Variants in AMMECR1 observed in about 807,000 individuals in gnomAD.
AMMECR1 encodes AMMECR nuclear protein 1.
In AMMECR1, 3 loss-of-function variants were observed where a neutral mutation model predicts 22.5. The observed-to-expected ratio is 0.13, with a 90% CI of 0.06 to 0.35. The LOEUF is 0.35. Among genes scored for constraint, AMMECR1 ranks in the 10% least tolerant of loss-of-function variants. AMMECR1 has a pLI of 1.00. For synonymous variants in AMMECR1, 130 were observed against 116.7 expected, an observed-to-expected ratio of 1.11 and a Z score of -0.74; for missense variants, 235 against 278.7, an observed-to-expected ratio of 0.84 and a Z score of 1.12.
chrX:110,220,609 A>G (rs891519962), intron 2 of AMMECR1, among the ~76,000 whole-genome samples: 1 of 111,568 alleles, frequency 9.0e-6, no homozygotes, highest in African/African-American at 3.3e-5. Context: ...AAACAAAACA[A>G]AACACTTACA....
intron 2 of AMMECR1, chrX:110,346,614 AG>A: frequency 1.9e-6 from 1 of 517,755 alleles, no homozygotes; most frequent in Non-Finnish European, 3.6e-6. Flanking sequence ...TACAGGGATA[AG>A]CTTTTGTACA....
intron 2 of AMMECR1, among the ~76,000 whole-genome samples, chrX:110,244,422 T>C (rs12116355): frequency 0.051 from 5,673 of 111,539 alleles, 375 homozygotes; most frequent in African/African-American, 0.18. Flanking sequence ...GTTTTCTGGA[T>C]GCATAATGAA....
In AMMECR1 at chrX:110,227,595, T is replaced by C. The variant is rs1443582870; in HGVS notation, c.585-10963A>G. 3.6e-5 allele frequency among the ~76,000 whole-genome samples: 4 copies of C among 112,058 alleles called. No individual in the cohort carries two copies. The East Asian group carries it at 8.4e-4, about 23-fold the overall frequency. ...ACCTTTTGTATGCGCTCCTCTTTTC[T>C]ACTCTAGTAAGGTAAGGAAGAAAGA... On this transcript the variant is annotated intron_variant, in intron 2 of 5. Transcript: ENST00000262844.
intron 2 of AMMECR1, among the ~76,000 whole-genome samples, chrX:110,238,670 A>C (rs1162548756): frequency 8.9e-6 from 1 of 112,511 alleles, no homozygotes; most frequent in Non-Finnish European, 1.9e-5. Flanking sequence ...AGAGCAGTGG[A>C]TCTCCCAGCA....
At chrX:110,254,100 C>T (rs1206466516) in intron 2 of AMMECR1, among the ~76,000 whole-genome samples, 1 of 111,150 alleles carries the variant, frequency 9.0e-6, no homozygotes, top group Admixed American at 9.6e-5. Flanking sequence ...AGTTAAATTA[C>T]TCTTTTCAAA....
intron 2 of AMMECR1, among the ~76,000 whole-genome samples, chrX:110,398,018 G>A (rs2068539993): frequency 8.9e-6 from 1 of 112,245 alleles, no homozygotes; most frequent in South Asian, 3.7e-4. Context: ...CCAGATTCTA[G>A]CCCAGTCCTC....
At chrX:110,439,565 G>T (rs1324567050) in intron 1 of AMMECR1, among the ~76,000 whole-genome samples, 1 of 111,800 alleles carries the variant, frequency 8.9e-6, no homozygotes, top group Non-Finnish European at 1.9e-5. Flanking sequence ...AAATGCCAAG[G>T]GTGCACTTCT....
chrX:110,439,498 G>C (rs2068864009), intron 1 of AMMECR1, among the ~76,000 whole-genome samples: 1 of 112,119 alleles, frequency 8.9e-6, no homozygotes, highest in South Asian at 3.8e-4. Context: ...ATAAAAGATG[G>C]AGAAGCCAGC....
upstream of AMMECR1, among the ~76,000 whole-genome samples, chrX:110,320,216 A>C (rs748769520): frequency 8.0e-5 from 9 of 112,384 alleles, no homozygotes; most frequent in Non-Finnish European, 1.3e-4. Flanking sequence ...AAGAGAAAGC[A>C]GATTGGTTTT....
chrX:110,225,614 T>C (rs774900004), intron 2 of AMMECR1, among the ~76,000 whole-genome samples: 2 of 112,442 alleles, frequency 1.8e-5, no homozygotes, highest in East Asian at 5.5e-4. Flanking sequence ...TGGGAATATC[T>C]GCATTATACT....
At chrX:110,366,927 C>T (rs1251126234) in intron 2 of AMMECR1, among the ~76,000 whole-genome samples, 4 of 111,391 alleles carry the variant, frequency 3.6e-5, no homozygotes, top group East Asian at 2.8e-4. Context: ...CTCAAACTTC[C>T]GACACTTGTT....
chrX:110,240,575 T>G (rs1309700209), intron 2 of AMMECR1, among the ~76,000 whole-genome samples: 1 of 109,139 alleles, frequency 9.2e-6, no homozygotes, highest in East Asian at 2.9e-4. Flanking sequence ...CCGAGATTCA[T>G]AAAGCAAGTC....
intron 2 of AMMECR1, among the ~76,000 whole-genome samples, chrX:110,330,446 T>C (rs1307434021): frequency 4.5e-5 from 5 of 112,009 alleles, no homozygotes; most frequent in Non-Finnish European, 9.4e-5. Context: ...CCTCAAACTG[T>C]TTGATACTGA....
At chrX:110,334,592 T>A (rs1337430446) in intron 2 of AMMECR1, among the ~76,000 whole-genome samples, 1 of 112,295 alleles carries the variant, frequency 8.9e-6, no homozygotes, top group Non-Finnish European at 1.9e-5. Context: ...TGTATTGAGA[T>A]ATGTTTTTAA....
At chrX:110,198,902 A>T (rs2067384027) in intron 5 of AMMECR1, among the ~76,000 whole-genome samples, 1 of 111,257 alleles carries the variant, frequency 9.0e-6, no homozygotes, top group African/African-American at 3.3e-5. Flanking sequence ...CCTCAGCCCC[A>T]GTTTTCTAAC....
chrX:110,204,934 C>A (rs2067414939), intron 3 of AMMECR1, among the ~76,000 whole-genome samples: 1 of 111,743 alleles, frequency 8.9e-6, no homozygotes, highest in South Asian at 3.7e-4. Flanking sequence ...ACTTTTAATT[C>A]TTTTCTGGGT....
At chrX:110,335,822 T>C (rs1187694656) in intron 2 of AMMECR1, among the ~76,000 whole-genome samples, 2 of 112,242 alleles carry the variant, frequency 1.8e-5, no homozygotes, top group African/African-American at 3.2e-5. Context: ...CCAGGCATTA[T>C]GCTAGATGCC....
At chrX:110,400,363 T>C (rs994517484) in intron 2 of AMMECR1, among the ~76,000 whole-genome samples, 1 of 108,894 alleles carries the variant, frequency 9.2e-6, no homozygotes, top group African/African-American at 3.4e-5. Context: ...ATCCCTTCCT[T>C]AGAGGCCCCA....
intron 2 of AMMECR1, among the ~76,000 whole-genome samples, chrX:110,363,932 T>G (rs1419647402): frequency 8.9e-6 from 1 of 112,187 alleles, no homozygotes; most frequent in East Asian, 2.8e-4. Flanking sequence ...AGAGGTTATG[T>G]GACTTAAGCC....
Sources: gnomAD v4.1 joint callset for allele counts (sites outside exome capture counted in the v4.1 genomes callset) on GRCh38, gnomAD v4.1.1 for gene constraint, MANE v1.5 for transcripts, NCBI Gene and HGNC (gene_info 2026-07-23, HGNC 2026-07-21) for gene names.